Variants in KIAA2012 observed in about 807,000 individuals in gnomAD.
KIAA2012 encodes the protein uncharacterized protein KIAA2012.
KIAA2012 carries 125 observed loss-of-function variants against 150.6 expected under a neutral mutation model. The ratio of observed to expected loss-of-function variants is 0.83; its 90% confidence interval spans 0.72 to 0.96. The LOEUF is 0.96. Among genes scored for constraint, KIAA2012 ranks in the 40% least tolerant of loss-of-function variants. The pLI, the probability that KIAA2012 is intolerant of heterozygous loss-of-function variation, is 0.00. For missense variants in KIAA2012, 1,219 were observed against 1,354.9 expected (o/e 0.90, Z 1.57); for synonymous variants, 462 against 504.7 (o/e 0.92, Z 1.13).
At position 202,196,943 on chromosome 2, in the gene KIAA2012, GAGAGGAGGCAAAAAGA is replaced by G; in HGVS notation, c.3338_3353del (p.Arg1113LysfsTer105). The G allele has an allele frequency of 1.3e-6, 2 of 1,550,672 alleles. No homozygotes were observed. Among genetic ancestry groups the G allele is most frequent in the Non-Finnish European group, 1.7e-6 (2 of 1,147,008 alleles). Reference sequence around the variant, plus strand: ...AGAGAAGGCTCGGCTGGAGGCAGAGGAGAGGAGGCAAAAAGAAGAGGAAGCAGCAAGACTGGCTCTG... The same window carrying G: ...AGAGAAGGCTCGGCTGGAGGCAGAGGAGAGGAAGCAGCAAGACTGGCTCTG... On this transcript the variant is annotated frameshift_variant, in exon 22 of 24. Coordinates refer to ENST00000498697, the MANE Select transcript of KIAA2012 (RefSeq NM_001277372.4). LOFTEE classifies it high-confidence loss of function.
In KIAA2012 at chr2:202,090,789, G is replaced by A. The variant is rs901984559; in HGVS notation, c.389G>A (p.Trp130Ter). 3.2e-6 allele frequency: 5 copies of A among 1,550,276 alleles called. No individual in the cohort carries two copies. The highest frequency in any genetic ancestry group is 3.5e-6 in the Non-Finnish European group (4 of 1,146,870). ...CCACAGGGAGAGCAGGACAGAGCCT[G>A]GCAACCATACCTCCACTTCCGAAGC... ...GRQQGEQDRAWQPYLHFRSQL... is the reference protein window; with the variant it reads ...GRQQGEQDRA The change falls in exon 3 of 24, where the codon TGG (tryptophan) becomes TAG (stop). Residue 130 changes from tryptophan to a stop codon, truncating the protein, a stop_gained. Coordinates refer to ENST00000498697, the MANE Select transcript of KIAA2012 (RefSeq NM_001277372.4). LOFTEE classifies it high-confidence loss of function.
At chr2:202,187,783 G>T (rs1692258706) in intron 17 of KIAA2012, among the ~76,000 whole-genome samples, 1 of 152,174 alleles carries the variant, frequency 6.6e-6, no homozygotes, top group Non-Finnish European at 1.5e-5. Context: ...AGTGAATAAA[G>T]CTGGCTTTGA....
intron 13 of KIAA2012, among the ~76,000 whole-genome samples, chr2:202,150,370 T>C (rs1223111861): frequency 6.6e-6 from 1 of 152,240 alleles, no homozygotes; most frequent in Non-Finnish European, 1.5e-5. Context: ...GTTTTTCTGC[T>C]AAACATTTCA....
chr2:202,091,791 T>C (rs1434899477), intron 3 of KIAA2012, among the ~76,000 whole-genome samples: 2 of 152,208 alleles, frequency 1.3e-5, no homozygotes, highest in African/African-American at 4.8e-5. Context: ...TTGCCATTTC[T>C]TCAGCAACAA....
chr2:202,149,818 A>G lies in KIAA2012; in HGVS notation c.1909-4855A>G, dbSNP rs746408890. Among the ~76,000 whole-genome samples the G allele has an allele frequency of 9.2e-4, 140 of 152,192 alleles. 1 individual carries two copies. Among genetic ancestry groups the G allele is most frequent in the Non-Finnish European group, 1.7e-3 (116 of 68,030 alleles). On this transcript the variant is annotated intron_variant, in intron 13 of 23. Transcript: ENST00000498697. ...TTCCCAAAGTCTGTTTGGAGAGCCAACCCATGGTAGTGACCATTTAAAATA... is the reference window on the plus strand; with the variant it reads ...TTCCCAAAGTCTGTTTGGAGAGCCAGCCCATGGTAGTGACCATTTAAAATA...
intron 12 of KIAA2012, chr2:202,125,741 A>T (rs1690767775): frequency 3.5e-5 from 14 of 398,020 alleles, no homozygotes; most frequent in South Asian, 2.5e-4. Flanking sequence ...CTCTCCTCAG[A>T]TTCCTTTTCT....
chr2:202,183,524 G>T lies in KIAA2012; in HGVS notation c.2120-1229G>T, dbSNP rs549405884. ...GACAGTCTCACTGGAGTGCAGTGGT[G>T]CTCCACTGGTGTGCAGTGGTGCTCA... On this transcript the variant is annotated intron_variant, in intron 15 of 23. Transcript: ENST00000498697. Among the ~76,000 whole-genome samples, 11 of 136,416 alleles carry T rather than the reference G, an allele frequency of 8.1e-5. No homozygotes were observed. In the East Asian group the frequency reaches 2.4e-3, roughly 30 times the overall value. The allele number at this position is 136,416 out of a possible 152,430, so 89.5% of individuals were successfully genotyped here. A position where few individuals can be genotyped will look rare whatever the true frequency, so the allele number is the denominator to read the frequency against.
intron 12 of KIAA2012, among the ~76,000 whole-genome samples, chr2:202,131,473 G>C (rs1690926832): frequency 6.6e-6 from 1 of 152,216 alleles, no homozygotes; most frequent in Non-Finnish European, 1.5e-5. Context: ...GAAAGATATT[G>C]CTCATTCATT....
At chr2:202,173,444 C>A (rs1691935681) in intron 15 of KIAA2012, among the ~76,000 whole-genome samples, 1 of 152,112 alleles carries the variant, frequency 6.6e-6, no homozygotes, top group Non-Finnish European at 1.5e-5. Flanking sequence ...TGGCACGTGC[C>A]TGTAATCCCA....
intron 18 of KIAA2012, among the ~76,000 whole-genome samples, chr2:202,189,857 T>A (rs1692294593): frequency 6.6e-6 from 1 of 151,944 alleles, no homozygotes; most frequent in Non-Finnish European, 1.5e-5. Context: ...TTTGGGAGGC[T>A]GAGGTGGGTG....
intron 8 of KIAA2012, among the ~76,000 whole-genome samples, chr2:202,105,039 C>T (rs968681054): frequency 6.6e-6 from 1 of 152,128 alleles, no homozygotes; most frequent in South Asian, 2.1e-4. Flanking sequence ...TCATGGAGTT[C>T]TTCCCCATTT....
chr2:202,183,156 A>C (rs1006819779), intron 15 of KIAA2012, among the ~76,000 whole-genome samples: 13 of 152,064 alleles, frequency 8.5e-5, no homozygotes, highest in Admixed American at 8.5e-4. Flanking sequence ...ATGGTGCTTC[A>C]TGCCTGTGAT....
At chr2:202,102,577 T>C (rs1220415796) in intron 7 of KIAA2012, among the ~76,000 whole-genome samples, 1 of 152,230 alleles carries the variant, frequency 6.6e-6, no homozygotes, top group East Asian at 1.9e-4. Context: ...TACTTTGCTT[T>C]TTCCCTTAAC....
chr2:202,127,380 C>G (rs902768073), intron 12 of KIAA2012, among the ~76,000 whole-genome samples: 1 of 152,172 alleles, frequency 6.6e-6, no homozygotes, highest in Non-Finnish European at 1.5e-5. Flanking sequence ...GATAGTTGCT[C>G]TCTTGCAACC....
chr2:202,130,190 C>T (rs1690898943), intron 12 of KIAA2012, among the ~76,000 whole-genome samples: 1 of 152,198 alleles, frequency 6.6e-6, no homozygotes, highest in Admixed American at 6.5e-5. Flanking sequence ...TAATAAATCA[C>T]TCTAAGCCTT....
At chr2:202,135,269 T>A (rs1237382811) in intron 12 of KIAA2012, among the ~76,000 whole-genome samples, 1 of 152,268 alleles carries the variant, frequency 6.6e-6, no homozygotes, top group Non-Finnish European at 1.5e-5. Flanking sequence ...CAGGCATGCC[T>A]GGAAGTTGTG....
At chr2:202,135,425 C>CA (rs1691039373) in intron 12 of KIAA2012, among the ~76,000 whole-genome samples, 1 of 152,198 alleles carries the variant, frequency 6.6e-6, no homozygotes, top group African/African-American at 2.4e-5. Flanking sequence ...GACTTGATAA[C>CA]AGTTTCTTTG....
intron 15 of KIAA2012, among the ~76,000 whole-genome samples, chr2:202,174,010 G>T (rs1482363090): frequency 6.6e-6 from 1 of 152,074 alleles, no homozygotes; most frequent in African/African-American, 2.4e-5. Context: ...TTGTCGCCCA[G>T]ACTGGAGTGC....
chr2:202,126,653 G>A (rs1281510785), intron 12 of KIAA2012, among the ~76,000 whole-genome samples: 1 of 151,368 alleles, frequency 6.6e-6, no homozygotes, highest in African/African-American at 2.4e-5. Flanking sequence ...GGTGGTGGTG[G>A]TGGTGACAGC....
Sources: allele counts gnomAD v4.1 joint callset (sites outside exome capture counted in the v4.1 genomes callset), GRCh38; gene constraint gnomAD v4.1.1; transcripts MANE v1.5; gene names NCBI Gene and HGNC (gene_info 2026-07-23, HGNC 2026-07-21).